Variants in SPMIP7 observed in about 807,000 individuals in gnomAD.
SPMIP7 encodes protein SPMIP7.
At chr7:50,138,172 A>G in the SPMIP7 span, among the ~76,000 whole-genome samples, 1 of 152,162 alleles carries the variant, frequency 6.6e-6, no homozygotes, top group Non-Finnish European at 1.5e-5. Flanking sequence ...ATTATTACTT[A>G]TGATAAGAGC....
the SPMIP7 span, among the ~76,000 whole-genome samples, chr7:50,109,416 ACCCCAGCGGAGTG>A: frequency 6.6e-6 from 1 of 152,002 alleles, no homozygotes; most frequent in Non-Finnish European, 1.5e-5. Context: ...TTGCTCTGTC[ACCCCAGCGGAGTG>A]CAGCGGCATG....
chr7:50,116,161 G>C, the SPMIP7 span, among the ~76,000 whole-genome samples: 1 of 151,970 alleles, frequency 6.6e-6, no homozygotes, highest in Non-Finnish European at 1.5e-5. Context: ...TGTCACCCAG[G>C]CTGGAGTGTA....
chr7:50,114,903 G>A, the SPMIP7 span, among the ~76,000 whole-genome samples: 3 of 151,390 alleles, frequency 2.0e-5, no homozygotes, highest in East Asian at 1.9e-4. Flanking sequence ...AGTGGCGGGC[G>A]CCTGTAATCC....
chr7:50,154,512 G>A, the SPMIP7 span, among the ~76,000 whole-genome samples: 7 of 152,130 alleles, frequency 4.6e-5, no homozygotes, highest in African/African-American at 1.7e-4. Flanking sequence ...GTTTCTTTCT[G>A]TGTCTATTAG....
the SPMIP7 span, chr7:50,159,185 G>T: frequency 6.5e-7 from 1 of 1,550,012 alleles, no homozygotes; most frequent in South Asian, 1.2e-5. Flanking sequence ...GCGGCCCTGC[G>T]CGGGCTGTCC....
chr7:50,107,699 G>A, the SPMIP7 span, among the ~76,000 whole-genome samples: 118,240 of 152,060 alleles, frequency 0.78, 46,084 homozygotes, highest in East Asian at 0.88. Flanking sequence ...GCTAAGATAC[G>A]ATTTTTATAT....
At chr7:50,135,285 C>T in the SPMIP7 span, among the ~76,000 whole-genome samples, 7 of 152,114 alleles carry the variant, frequency 4.6e-5, no homozygotes, top group Non-Finnish European at 1.0e-4. Flanking sequence ...ACTTCTCACG[C>T]GTAGGAGTCT....
chr7:50,105,352 A>G, the SPMIP7 span, among the ~76,000 whole-genome samples: 1 of 152,224 alleles, frequency 6.6e-6, no homozygotes, highest in Non-Finnish European at 1.5e-5. Context: ...CATATTCATT[A>G]GCAGTAAAGG....
chr7:50,113,635 C>T, the SPMIP7 span, among the ~76,000 whole-genome samples: 118,057 of 151,818 alleles, frequency 0.78, 45,988 homozygotes, highest in East Asian at 0.88. Context: ...CTATTCAAAA[C>T]GAAAAGAGAG....
chr7:50,155,847 T>C, the SPMIP7 span, among the ~76,000 whole-genome samples: 3 of 152,262 alleles, frequency 2.0e-5, no homozygotes, highest in Non-Finnish European at 1.5e-5. Context: ...TATACACACA[T>C]ACTGCACATA....
the SPMIP7 span, among the ~76,000 whole-genome samples, chr7:50,098,679 CAGAG>C: frequency 2.0e-5 from 3 of 149,254 alleles, no homozygotes; most frequent in African/African-American, 4.9e-5. Flanking sequence ...CTTGCATCCT[CAGAG>C]AGAGAGAGAG....
chr7:50,110,826 CAT>C, the SPMIP7 span, among the ~76,000 whole-genome samples: 1 of 128,454 alleles, frequency 7.8e-6, no homozygotes, highest in African/African-American at 3.1e-5. Flanking sequence ...AATATATAAT[CAT>C]ATTATATATT....
the SPMIP7 span, among the ~76,000 whole-genome samples, chr7:50,125,289 T>TATATATACCCATATATAC: frequency 1.4e-3 from 141 of 98,878 alleles, 8 homozygotes; most frequent in African/African-American, 4.6e-3. Flanking sequence ...TATATACACA[T>TATATATACCCATATATAC]ATATATACAC....
chr7:50,125,173 CATATATAT>C, the SPMIP7 span, among the ~76,000 whole-genome samples: 8 of 21,060 alleles, frequency 3.8e-4, 1 homozygote, highest in African/African-American at 1.8e-3. Flanking sequence ...CATATATACA[CATATATAT>C]ACACATATAT....
chr7:50,147,845 G>A, the SPMIP7 span, among the ~76,000 whole-genome samples: 1 of 152,136 alleles, frequency 6.6e-6, no homozygotes, highest in East Asian at 1.9e-4. Context: ...ACAAAATAAG[G>A]TATTTAAAGG....
the SPMIP7 span, among the ~76,000 whole-genome samples, chr7:50,130,967 T>C: frequency 6.6e-6 from 1 of 152,246 alleles, no homozygotes; most frequent in African/African-American, 2.4e-5. Context: ...TGTGGGACAC[T>C]TTAAGCAATT....
chr7:50,130,966 C>G, the SPMIP7 span, among the ~76,000 whole-genome samples: 1 of 152,094 alleles, frequency 6.6e-6, no homozygotes, highest in African/African-American at 2.4e-5. Context: ...TTGTGGGACA[C>G]TTTAAGCAAT....
At chr7:50,151,260 G>A in the SPMIP7 span, among the ~76,000 whole-genome samples, 1 of 152,092 alleles carries the variant, frequency 6.6e-6, no homozygotes, top group Non-Finnish European at 1.5e-5. Context: ...AAGTACCTGT[G>A]CATCAGCACG....
the SPMIP7 span, among the ~76,000 whole-genome samples, chr7:50,107,549 G>T: frequency 6.6e-6 from 1 of 151,912 alleles, no homozygotes; most frequent in African/African-American, 2.4e-5. Context: ...TAAATCAGAA[G>T]AAACTATGGT....
Sources: gnomAD v4.1 joint callset for allele counts (sites outside exome capture counted in the v4.1 genomes callset) on GRCh38, gnomAD v4.1.1 for gene constraint, MANE v1.5 for transcripts, NCBI Gene and HGNC (gene_info 2026-07-23, HGNC 2026-07-21) for gene names.